Variants in PODXL observed in about 807,000 individuals in gnomAD.
PODXL encodes podocalyxin.
PODXL carries 20 observed loss-of-function variants against 48.9 expected under a neutral mutation model. The observed-to-expected ratio is 0.41, with a 90% CI of 0.29 to 0.59. The LOEUF is 0.59. Ranked by LOEUF, PODXL falls within the 20% of genes least tolerant of loss-of-function variation. The pLI is 0.31. For missense variants in PODXL, 606 were observed against 675.1 expected (o/e 0.90, Z 1.13); for synonymous variants, 295 against 287.4 (o/e 1.03, Z -0.27).
intron 1 of PODXL, among the ~76,000 whole-genome samples, chr7:131,524,565 A>G (rs1377570556): frequency 6.6e-6 from 1 of 152,212 alleles, no homozygotes; most frequent in Non-Finnish European, 1.5e-5. Flanking sequence ...GCTCCAATGC[A>G]GCACCATTAC....
At position 131,504,355 on chromosome 7, in the gene PODXL, G is replaced by C. The variant is rs1254553630; in HGVS notation, c.1633C>G (p.Leu545Val). 1.2e-5 allele frequency: 20 copies of C among 1,614,082 alleles called. No homozygotes were observed. The East Asian group carries it at 4.2e-4, about 34-fold the overall frequency. Residue 545 changes from leucine to valine, a missense_variant, in exon 9 of 9, where the codon CTG becomes GTG. Transcript: ENST00000378555. ...TCCTCATCCAGGTCGTCCTTGGTCA[G>C]GTTGTCCAGAGGGACGATCCAGCTG... ...GDSWIVPLDN[L>V]TKDDLDEEED... is the part of the protein sequence containing the mutation.
At chr7:131,536,141 TG>T (rs1416514161) in intron 1 of PODXL, among the ~76,000 whole-genome samples, 3 of 152,200 alleles carry the variant, frequency 2.0e-5, no homozygotes, top group African/African-American at 7.2e-5. Context: ...TGTACTAGCC[TG>T]TTAGAAACCA....
At chr7:131,556,222 C>A (rs1157230813) in intron 1 of PODXL, 38 bp downstream of exon 1, 3 of 1,435,860 alleles carry the variant, frequency 2.1e-6, no homozygotes, top group Non-Finnish European at 2.7e-6. Context: ...CACATGGGCA[C>A]GGTGGGAGTC....
chr7:131,517,321 G>C (rs1252064222), intron 1 of PODXL, among the ~76,000 whole-genome samples: 1 of 152,196 alleles, frequency 6.6e-6, no homozygotes, highest in Non-Finnish European at 1.5e-5. Context: ...GCTATTTCGA[G>C]CAGCAGCTAA....
chr7:131,519,818 G>C (rs1040588181), intron 1 of PODXL, among the ~76,000 whole-genome samples: 49 of 152,156 alleles, frequency 3.2e-4, no homozygotes, highest in African/African-American at 1.1e-3. Context: ...AATCTCCTGG[G>C]GTCAAGCAAT....
chr7:131,535,515 G>A lies in PODXL; in HGVS notation c.100+20745C>T, dbSNP rs149737869. Among the ~76,000 whole-genome samples the A allele has an allele frequency of 3.8e-3, 582 of 152,258 alleles. 1 individual carries two copies. The highest frequency in any genetic ancestry group is 6.5e-3 in the Non-Finnish European group (443 of 68,022). ...TGGAATCACTCTGTGACACAGTATTGTACAACAGAGGTCACACACTTTTTC... is the reference window on the plus strand; with the variant it reads ...TGGAATCACTCTGTGACACAGTATTATACAACAGAGGTCACACACTTTTTC... On this transcript the variant is annotated intron_variant, in intron 1 of 8. Transcript: ENST00000378555.
At chr7:131,547,577 A>G (rs947117441) in intron 1 of PODXL, among the ~76,000 whole-genome samples, 2 of 152,186 alleles carry the variant, frequency 1.3e-5, no homozygotes, top group Non-Finnish European at 2.9e-5. Context: ...CAAGCCTCTT[A>G]ACTGCAGAGT....
At chr7:131,549,209 G>C (rs1798631399) in intron 1 of PODXL, among the ~76,000 whole-genome samples, 1 of 152,152 alleles carries the variant, frequency 6.6e-6, no homozygotes. Context: ...TTGAGAAAGT[G>C]GCATTCATGG....
intron 1 of PODXL, among the ~76,000 whole-genome samples, chr7:131,549,085 A>G (rs1370189794): frequency 1.3e-5 from 2 of 152,138 alleles, no homozygotes; most frequent in South Asian, 4.1e-4. Flanking sequence ...AAACAAACAA[A>G]CCAATGAACA....
At chr7:131,531,006 C>G (rs1798271117) in intron 1 of PODXL, among the ~76,000 whole-genome samples, 1 of 151,962 alleles carries the variant, frequency 6.6e-6, no homozygotes, top group East Asian at 1.9e-4. Context: ...TGCAGTGAGC[C>G]AAGATCGCAC....
intron 1 of PODXL, among the ~76,000 whole-genome samples, chr7:131,546,725 CAAAAAAAAAAAAA>C (rs10593482): frequency 1.0e-4 from 5 of 50,122 alleles, no homozygotes; most frequent in Non-Finnish European, 1.5e-4. Context: ...GGCCCTGTCT[CAAAAAAAAAAAAA>C]AAAAAAAAAA....
Position 131,504,102 on chromosome 7 carries a change from C to CA in PODXL, c.*208dup. 1.7e-6 allele frequency: 1 copy of CA among 588,902 alleles called. No individual in the cohort carries two copies. 36.5% of individuals were successfully genotyped at this position (588,902 alleles called of 1,614,324 possible). ...ATCATCCAGCAGCACTGAGCTCAGG[C>CA]ACTAGTGGGTTATTTTACAAGAGGA... On this transcript the variant is annotated 3_prime_UTR_variant, in exon 9 of 9. Coordinates refer to ENST00000378555, the MANE Select transcript of PODXL (RefSeq NM_001018111.3).
intron 1 of PODXL, among the ~76,000 whole-genome samples, chr7:131,522,560 C>A (rs1225582399): frequency 1.3e-5 from 2 of 152,214 alleles, no homozygotes; most frequent in Non-Finnish European, 2.9e-5. Flanking sequence ...TACTGGAGGA[C>A]TTTGCAGCCC....
rs373787313 is a variant in PODXL, at chr7:131,528,973, G to A, written c.101-17540C>T. 1.6e-3 allele frequency among the ~76,000 whole-genome samples: 237 copies of A among 152,246 alleles called. 6 individuals carry two copies. The South Asian group carries it at 0.047, about 30-fold the overall frequency. On this transcript the variant is annotated intron_variant, in intron 1 of 8. Coordinates refer to ENST00000378555, the MANE Select transcript of PODXL (RefSeq NM_001018111.3). ...GTTTACTTGAGCAGATAAGTTGGAA[G>A]GTAGAGAGACAGTGATACAAGGAGG...
chr7:131,548,143 T>C (rs10279789), intron 1 of PODXL, among the ~76,000 whole-genome samples: 90,136 of 152,134 alleles, frequency 0.59, 27,547 homozygotes, highest in Non-Finnish European at 0.68. Context: ...GCCACATAAC[T>C]GGAGGACTAA....
chr7:131,546,741 A>G (rs950421731), intron 1 of PODXL, among the ~76,000 whole-genome samples: 3 of 151,396 alleles, frequency 2.0e-5, no homozygotes, highest in Non-Finnish European at 4.4e-5. Context: ...AAAAAAAAAA[A>G]AAAAAAAAAA....
chr7:131,512,821 T>TA (rs1452166725), intron 1 of PODXL, among the ~76,000 whole-genome samples: 1 of 151,648 alleles, frequency 6.6e-6, no homozygotes, highest in Non-Finnish European at 1.5e-5. Flanking sequence ...CTACTAAAAA[T>TA]AAAAAATAAA....
chr7:131,546,770 GC>G (rs1798583596), intron 1 of PODXL, among the ~76,000 whole-genome samples: 1 of 137,184 alleles, frequency 7.3e-6, no homozygotes, highest in Non-Finnish European at 1.6e-5. Context: ...TTGACTCAAA[GC>G]CCCAAAGTGA....
rs1292115642 is a variant in PODXL at position 131,505,991 on chromosome 7, C to T, written c.1356G>A (p.Glu452=). Residue 452 remains glutamate (E), a synonymous_variant, in exon 8 of 9, where the codon GAG becomes GAA. Coordinates refer to ENST00000378555, the MANE Select transcript of PODXL (RefSeq NM_001018111.3). Reference sequence around the variant, plus strand: ...GCATGCTGAAGCGGTCCTCGGCCTCCTCCGGTGGCCCCTGGTCCCCTAGCT... The same window carrying T: ...GCATGCTGAAGCGGTCCTCGGCCTCTTCCGGTGGCCCCTGGTCCCCTAGCT... The part of the protein sequence containing the change: ...DMKLGDQGPP[E]EAEDRFSMPL... 1 of 1,612,762 alleles carries T rather than the reference C, an allele frequency of 6.2e-7. No homozygotes were observed. The highest frequency in any genetic ancestry group is 1.7e-5 in the Admixed American group (1 of 59,838).
Sources: gnomAD v4.1 joint callset for allele counts (sites outside exome capture counted in the v4.1 genomes callset) on GRCh38, gnomAD v4.1.1 for gene constraint, MANE v1.5 for transcripts, NCBI Gene and HGNC (gene_info 2026-07-23, HGNC 2026-07-21) for gene names.